Variants in PDXDC1 observed in about 807,000 individuals in gnomAD.
PDXDC1 encodes the protein pyridoxal dependent decarboxylase domain containing 1, also known as pyridoxal-dependent decarboxylase domain-containing protein 1.
Under a neutral mutation model 100.1 loss-of-function variants are expected in PDXDC1, and 42 were observed. The ratio of observed to expected loss-of-function variants is 0.42; its 90% CI spans 0.33 to 0.54. PDXDC1 has a LOEUF of 0.54. Ranked by LOEUF, PDXDC1 falls within the 20% of genes least tolerant of loss-of-function variation. PDXDC1 has a pLI of 0.10. For synonymous variants in PDXDC1, 260 were observed against 371.7 expected, an observed-to-expected ratio of 0.70 and a Z score of 3.46; for missense variants, 636 against 979.2, an observed-to-expected ratio of 0.65 and a Z score of 4.68.
At chr16:14,990,779 C>T (rs1254464426) in intron 1 of PDXDC1, among the ~76,000 whole-genome samples, 2 of 152,278 alleles carry the variant, frequency 1.3e-5, no homozygotes, top group Admixed American at 6.5e-5. Flanking sequence ...CTTGGTCTGG[C>T]GCCAAGGCTG....
intron 16 of PDXDC1, among the ~76,000 whole-genome samples, chr16:15,063,712 A>AAG (rs2044823751): frequency 6.6e-6 from 1 of 150,834 alleles, no homozygotes. Context: ...CTCAAAAAAA[A>AAG]AAAAAAAAAA....
At chr16:15,034,169 C>T in intron 19 of PDXDC1, 117 bp from the exon 20 acceptor site, 2 of 810,772 alleles carry the variant, frequency 2.5e-6, no homozygotes, top group Non-Finnish European at 4.0e-6. Context: ...GCCGGCTTTT[C>T]AATGCAGGAT....
intron 16 of PDXDC1, chr16:15,068,318 A>G (rs888220624): frequency 1.0e-5 from 16 of 1,552,754 alleles, no homozygotes; most frequent in Non-Finnish European, 1.4e-5. Flanking sequence ...AAAGGTACAA[A>G]TAAGTGAAAA....
intron 16 of PDXDC1, chr16:15,091,168 C>G: frequency 1.4e-6 from 1 of 731,522 alleles, no homozygotes; most frequent in Non-Finnish European, 2.2e-6. Context: ...GGGGGTAAAA[C>G]TGTCCCTGGT....
chr16:15,073,892 C>T (rs1433605845), intron 16 of PDXDC1, among the ~76,000 whole-genome samples: 2 of 151,810 alleles, frequency 1.3e-5, no homozygotes, highest in African/African-American at 2.4e-5. Flanking sequence ...TGCTGGGATT[C>T]AATAACAATT....
intron 16 of PDXDC1, among the ~76,000 whole-genome samples, chr16:15,117,433 C>A: frequency 6.8e-6 from 1 of 147,910 alleles, no homozygotes. Flanking sequence ...CCGAGGCAGG[C>A]GGATCACGAG....
chr16:14,992,372 G>A (rs1475292728), intron 1 of PDXDC1, among the ~76,000 whole-genome samples: 17 of 152,286 alleles, frequency 1.1e-4, no homozygotes, highest in Admixed American at 9.2e-4. Context: ...ATGGTCGTTG[G>A]GAGCATGAAG....
At chr16:15,094,285 C>G (rs1454622501) in intron 16 of PDXDC1, 7 of 1,403,898 alleles carry the variant, frequency 5.0e-6, no homozygotes, top group Non-Finnish European at 6.9e-6. Flanking sequence ...CCAGCTCCTT[C>G]CAGCCACAGC....
At chr16:15,035,356 G>C in intron 21 of PDXDC1, 93 bp from the exon 22 acceptor site, 3 of 615,414 alleles carry the variant, frequency 4.9e-6, no homozygotes, top group South Asian at 2.3e-5. Context: ...GCTGGAAGGA[G>C]GTTATTGGGG....
downstream of PDXDC1, among the ~76,000 whole-genome samples, chr16:15,141,615 TC>T (rs1401146500): frequency 1.3e-5 from 2 of 152,008 alleles, no homozygotes; most frequent in Non-Finnish European, 2.9e-5. Flanking sequence ...GGCCACCGCT[TC>T]CCCCCTAACT....
chr16:15,023,397 GTTTC>G (rs1287379525), intron 13 of PDXDC1, among the ~76,000 whole-genome samples: 3 of 152,290 alleles, frequency 2.0e-5, no homozygotes, highest in Non-Finnish European at 4.4e-5. Context: ...TTCATTGAGT[GTTTC>G]TTTGACAATT....
intron 16 of PDXDC1, among the ~76,000 whole-genome samples, chr16:15,118,603 G>GA (rs1435103308): frequency 6.7e-6 from 1 of 148,704 alleles, no homozygotes; most frequent in Non-Finnish European, 1.5e-5. Context: ...CCATACGATA[G>GA]AACTATAAAG....
At chr16:15,127,484 T>C (rs1240361230) in intron 16 of PDXDC1, 3 of 1,568,594 alleles carry the variant, frequency 1.9e-6, no homozygotes, top group South Asian at 1.1e-5. Context: ...CTCCGGGACA[T>C]CCAGAAGAGA....
intron 16 of PDXDC1, chr16:15,131,420 C>G: frequency 6.8e-6 from 11 of 1,608,198 alleles, no homozygotes; most frequent in Non-Finnish European, 7.6e-6. Context: ...CTGAGGTTAG[C>G]CGGGGCCCTG....
At chr16:14,999,544 T>C (rs769916712) in intron 3 of PDXDC1, among the ~76,000 whole-genome samples, 89 of 152,320 alleles carry the variant, frequency 5.8e-4, no homozygotes, top group Non-Finnish European at 1.2e-3. Flanking sequence ...CCCTATCAAA[T>C]AAAATAAAAG....
intron 16 of PDXDC1, among the ~76,000 whole-genome samples, chr16:15,053,142 C>G (rs2044361382): frequency 6.6e-6 from 1 of 152,194 alleles, no homozygotes; most frequent in Admixed American, 6.5e-5. Context: ...AAGTTAAATC[C>G]TAAGTAACCA....
intron 16 of PDXDC1, chr16:15,072,821 G>T: frequency 1.1e-6 from 1 of 907,186 alleles, no homozygotes; most frequent in Non-Finnish European, 1.7e-6. Flanking sequence ...ATTTTATTAA[G>T]CAGACTAGCA....
At chr16:14,985,507 C>CGATGA (rs1969159761) in intron 1 of PDXDC1, among the ~76,000 whole-genome samples, 1 of 151,910 alleles carries the variant, frequency 6.6e-6, no homozygotes, top group Non-Finnish European at 1.5e-5. Context: ...CCAGGATGGT[C>CGATGA]TCCATCTGAC....
rs1270603058 is a variant in PDXDC1, at chr16:15,029,160, T to G, written c.1293+194T>G. ...CACGAGCTGGGTCACCTCTGGCAAG[T>G]CCTTCTGGCATTGCTCCCTCACTTT... On this transcript the variant is annotated intron_variant, in intron 15 of 22. Coordinates refer to ENST00000396410, the MANE Select transcript of PDXDC1 (RefSeq NM_015027.4). The G allele has an allele frequency of 1.5e-5, 10 of 670,154 alleles. No individual in the cohort carries two copies. In the Middle Eastern group the frequency reaches 1.2e-3, roughly 78 times the overall value. 41.5% of individuals were successfully genotyped at this position (670,154 alleles called of 1,614,324 possible). A position where few individuals can be genotyped will look rare whatever the true frequency, so the allele number is the denominator to read the frequency against.
Sources: gnomAD v4.1 joint callset for allele counts (sites outside exome capture counted in the v4.1 genomes callset) on GRCh38, gnomAD v4.1.1 for gene constraint, MANE v1.5 for transcripts, NCBI Gene and HGNC (gene_info 2026-07-23, HGNC 2026-07-21) for gene names.